The following RORA variants were observed in gnomAD, a reference collection of about 807,000 sequenced individuals.
RORA encodes the protein nuclear receptor ROR-alpha.
In RORA, 7 loss-of-function variants were observed where a neutral mutation model predicts 69.5. That is an observed-to-expected ratio of 0.10 (90% CI 0.06 to 0.19). The LOEUF is 0.19. Among genes scored for constraint, RORA ranks in the 10% least tolerant of loss-of-function variants. The probability of loss-of-function intolerance (pLI) is 1.00; values close to 1 mark genes in which losing one functional copy is unlikely to be tolerated. For missense variants in RORA, 457 were observed against 663.0 expected, an observed-to-expected ratio of 0.69 and a Z score of 3.41; for synonymous variants, 261 against 240.8, an observed-to-expected ratio of 1.08 and a Z score of -0.78.
At chr15:60,660,637 A>G (rs2070289840) in intron 2 of RORA, among the ~76,000 whole-genome samples, 1 of 152,210 alleles carries the variant, frequency 6.6e-6, no homozygotes, top group Admixed American at 6.5e-5. Flanking sequence ...GGAGGTGAAC[A>G]GTTTCTCCAT....
rs116738977 is a variant in RORA, at chr15:60,579,815, T to A, written c.197-47964A>T. 5.9e-3 allele frequency among the ~76,000 whole-genome samples: 894 copies of A among 152,230 alleles called. 12 individuals are homozygous for A. The highest frequency in any genetic ancestry group is 0.021 in the African/African-American group (861 of 41,568). On this transcript the variant is annotated intron_variant, in intron 2 of 10. Coordinates refer to ENST00000335670, the MANE Select transcript of RORA (RefSeq NM_134261.3). ...TAATTTTCAACCCTTGATGTCTACA[T>A]AATCCCCTATAGTTCTTTAACTTCT...
At position 60,991,813 on chromosome 15, in the gene RORA, G is replaced by A. The variant is rs1250752998; in HGVS notation, c.166+237240C>T. Among the ~76,000 whole-genome samples, 8 of 151,884 alleles carry A rather than the reference G, an allele frequency of 5.3e-5. No homozygotes were observed. In the East Asian group the frequency reaches 1.2e-3, roughly 22 times the overall value. On this transcript the variant is annotated intron_variant, in intron 1 of 10. Coordinates refer to ENST00000335670, the MANE Select transcript of RORA (RefSeq NM_134261.3). Reference sequence around the variant, plus strand: ...TGCTACTCAGGAGGTTGATGAGGAGGGAAGATTGCTTGATCCCAGGAGGTC... The same window carrying A: ...TGCTACTCAGGAGGTTGATGAGGAGAGAAGATTGCTTGATCCCAGGAGGTC...
intron 1 of RORA, among the ~76,000 whole-genome samples, chr15:60,872,630 A>G (rs1020369195): frequency 6.6e-6 from 1 of 152,302 alleles, no homozygotes; most frequent in South Asian, 2.1e-4. Flanking sequence ...TTCATACACA[A>G]GTAGAGGAAT....
chr15:61,136,439 C>T (rs1195084605), intron 1 of RORA, among the ~76,000 whole-genome samples: 2 of 152,190 alleles, frequency 1.3e-5, no homozygotes, highest in African/African-American at 4.8e-5. Flanking sequence ...GTCTCATCTA[C>T]AGTTATTATC....
At chr15:60,985,410 C>T (rs1401104804) in intron 1 of RORA, among the ~76,000 whole-genome samples, 2 of 151,974 alleles carry the variant, frequency 1.3e-5, no homozygotes, top group Non-Finnish European at 2.9e-5. Context: ...AATTAAAATT[C>T]GTTTCGCCCT....
At chr15:61,209,518 T>A (rs1032484530) in intron 1 of RORA, among the ~76,000 whole-genome samples, 1 of 152,222 alleles carries the variant, frequency 6.6e-6, no homozygotes, top group Non-Finnish European at 1.5e-5. Flanking sequence ...CATCAACCTA[T>A]GTTATGAAAT....
At chr15:60,706,624 T>A (rs1256465766) in intron 1 of RORA, among the ~76,000 whole-genome samples, 1 of 152,184 alleles carries the variant, frequency 6.6e-6, no homozygotes, top group Non-Finnish European at 1.5e-5. Flanking sequence ...CTGCTCCATT[T>A]CACTTTTAAA....
intron 1 of RORA, among the ~76,000 whole-genome samples, chr15:60,717,796 C>CTCT (rs2071239785): frequency 1.1e-5 from 1 of 91,974 alleles, no homozygotes; most frequent in East Asian, 3.9e-4. Flanking sequence ...TTCTTTTTCT[C>CTCT]TTTTTTTTTT....
chr15:60,828,532 G>C (rs1203808438), intron 1 of RORA, among the ~76,000 whole-genome samples: 1 of 152,166 alleles, frequency 6.6e-6, no homozygotes, highest in African/African-American at 2.4e-5. Flanking sequence ...AGGCCGCTGA[G>C]TGTGGAGAGG....
chr15:60,954,088 T>C, intron 1 of RORA, among the ~76,000 whole-genome samples: 1 of 149,138 alleles, frequency 6.7e-6, no homozygotes, highest in Non-Finnish European at 1.5e-5. Context: ...GTGGCACATA[T>C]ACACCATGGA....
intron 1 of RORA, among the ~76,000 whole-genome samples, chr15:60,992,644 C>T (rs960781295): frequency 1.3e-5 from 2 of 151,790 alleles, no homozygotes; most frequent in Admixed American, 6.6e-5. Flanking sequence ...ACTCATCTGT[C>T]GTCATCCCTT....
chr15:61,142,863 T>C (rs1409052832), intron 1 of RORA, among the ~76,000 whole-genome samples: 3 of 152,134 alleles, frequency 2.0e-5, no homozygotes. Flanking sequence ...TTTTTTGATA[T>C]GGGAAAGAGA....
Position 60,733,914 on chromosome 15 carries a change from CAGAGAGAGAG to C in RORA, c.167-55238_167-55229del, listed in dbSNP as rs58672002. Among the ~76,000 whole-genome samples the C allele has an allele frequency of 5.0e-3, 512 of 101,482 alleles. 4 individuals carry two copies. Among genetic ancestry groups the C allele is most frequent in the African/African-American group, 0.016 (448 of 27,490 alleles). 66.6% of individuals were successfully genotyped at this position (101,482 alleles called of 152,430 possible). On this transcript the variant is annotated intron_variant, in intron 1 of 10. Transcript: ENST00000335670. Reference sequence around the variant, plus strand: ...CACAGGTGAGCGGTTAGAATAGGGGCAGAGAGAGAGAGAGAGAGAGAGAGAGAGAGAGAGA... The same window carrying C: ...CACAGGTGAGCGGTTAGAATAGGGGCAGAGAGAGAGAGAGAGAGAGAGAGA...
intron 1 of RORA, among the ~76,000 whole-genome samples, chr15:60,955,233 T>A (rs569938337): frequency 2.5e-4 from 38 of 151,998 alleles, no homozygotes; most frequent in African/African-American, 8.7e-4. Flanking sequence ...ACCCAGGAGG[T>A]GGAGTTTGCA....
chr15:60,897,745 GAGGA>G lies in RORA; in HGVS notation c.167-219063_167-219060del, dbSNP rs1338527378. On this transcript the variant is annotated intron_variant, in intron 1 of 10. Transcript: ENST00000335670. ...TCAAAAAGATGAAACTTAAATGAAA[GAGGA>G]TGAACCTGGAACATGTGCAGTGTGA... Among the ~76,000 whole-genome samples, 5 of 152,364 alleles carry G rather than the reference GAGGA, an allele frequency of 3.3e-5. No homozygotes were observed. In the South Asian group the frequency reaches 1.0e-3, roughly 32 times the overall value.
intron 1 of RORA, among the ~76,000 whole-genome samples, chr15:60,769,658 T>G (rs928347814): frequency 2.0e-5 from 3 of 152,192 alleles, no homozygotes; most frequent in Non-Finnish European, 2.9e-5. Flanking sequence ...ATGCCACGAG[T>G]GTGCCTCTCT....
rs1491436483 is a variant in RORA, at chr15:61,147,764, C to CACGTGTGTGTGTGT, written c.166+81288_166+81289insACACACACACACGT. Among the ~76,000 whole-genome samples, 9 of 33,584 alleles carry CACGTGTGTGTGTGT rather than the reference C, an allele frequency of 2.7e-4. No individual in the cohort carries two copies. Among genetic ancestry groups the CACGTGTGTGTGTGT allele is most frequent in the Non-Finnish European group, 6.3e-4 (6 of 9,454 alleles). 22.0% of individuals were successfully genotyped at this position (33,584 alleles called of 152,430 possible). On this transcript the variant is annotated intron_variant, in intron 1 of 10. Coordinates refer to ENST00000335670, the MANE Select transcript of RORA (RefSeq NM_134261.3). The surrounding 1 kb of genome is among the most constrained non-coding windows in gnomAD (Gnocchi z 4.1). The stretch of plus-strand genomic sequence containing the variant: ...GATGGTCAGTAGGCACGTGCGCACA[C>CACGTGTGTGTGTGT]GCGTGTGTGTGTGTGTGTGTGTGTG...
At chr15:60,721,649 A>G (rs78747182) in intron 1 of RORA, among the ~76,000 whole-genome samples, 2,223 of 152,390 alleles carry the variant, frequency 0.015, 22 homozygotes, top group Non-Finnish European at 0.025. Context: ...AAGAAAAAAT[A>G]ATGGCTGGAA....
intron 1 of RORA, among the ~76,000 whole-genome samples, chr15:60,819,239 T>C (rs1230445967): frequency 6.6e-6 from 1 of 152,242 alleles, no homozygotes; most frequent in Non-Finnish European, 1.5e-5. Flanking sequence ...CGTTAACTAA[T>C]AAATGCTTCA....
Sources: gnomAD v4.1 joint callset for allele counts (sites outside exome capture counted in the v4.1 genomes callset) on GRCh38, gnomAD v4.1.1 for gene constraint, Gnocchi (gnomAD v3.1) non-coding constraint, MANE v1.5 for transcripts, NCBI Gene and HGNC (gene_info 2026-07-23, HGNC 2026-07-21) for gene names.